The following NWD2 variants were observed in gnomAD, a reference collection of about 807,000 sequenced individuals.
NWD2 encodes the protein NACHT and WD repeat domain containing 2.
Under a neutral mutation model 132.7 loss-of-function variants are expected in NWD2, and 37 were observed. That is an observed-to-expected ratio of 0.28 (90% CI 0.21 to 0.37). The LOEUF (loss-of-function observed/expected upper bound fraction) is 0.37, where lower values mean the gene tolerates loss of function less well. NWD2 is among the 10% of genes least tolerant of loss of function. The pLI is 1.00. For missense variants in NWD2, 1,592 were observed against 2,122.4 expected, an observed-to-expected ratio of 0.75 and a Z score of 4.91; for synonymous variants, 705 against 803.0, an observed-to-expected ratio of 0.88 and a Z score of 2.06.
intron 3 of NWD2, among the ~76,000 whole-genome samples, chr4:37,377,093 AGAT>A (rs1720362522): frequency 6.6e-6 from 1 of 152,176 alleles, no homozygotes; most frequent in African/African-American, 2.4e-5. Context: ...CAGCTTTTAG[AGAT>A]TAAACTGTTT....
chr4:37,295,196 A>C (rs148330461), intron 1 of NWD2, among the ~76,000 whole-genome samples: 26 of 152,060 alleles, frequency 1.7e-4, no homozygotes, highest in Admixed American at 1.4e-3. Context: ...TTTTTTTGTC[A>C]GAGTGTGTTG....
At chr4:37,275,855 T>C (rs1255278799) in intron 1 of NWD2, among the ~76,000 whole-genome samples, 1 of 152,142 alleles carries the variant, frequency 6.6e-6, no homozygotes, top group African/African-American at 2.4e-5. Flanking sequence ...GGGAAAGGAT[T>C]CCCTATTTAA....
intron 2 of NWD2, among the ~76,000 whole-genome samples, chr4:37,329,556 T>C (rs749561191): frequency 1.4e-4 from 22 of 151,830 alleles, no homozygotes; most frequent in Non-Finnish European, 2.5e-4. Flanking sequence ...GTTTAGAATA[T>C]TCTAGGAACA....
intron 3 of NWD2, among the ~76,000 whole-genome samples, chr4:37,427,328 T>C (rs539976677): frequency 6.6e-6 from 1 of 152,286 alleles, no homozygotes; most frequent in African/African-American, 2.4e-5. Context: ...GGCAAGATAA[T>C]GGGATAATCA....
chr4:37,294,258 G>C (rs538515159), intron 1 of NWD2, among the ~76,000 whole-genome samples: 7 of 152,130 alleles, frequency 4.6e-5, no homozygotes, highest in Non-Finnish European at 8.8e-5. Flanking sequence ...GTTACTGTCT[G>C]GACATTTTTA....
intron 3 of NWD2, among the ~76,000 whole-genome samples, chr4:37,403,318 A>G (rs998700305): frequency 6.6e-6 from 1 of 152,222 alleles, no homozygotes; most frequent in Non-Finnish European, 1.5e-5. Context: ...GATATGGATC[A>G]AGGGAACAAT....
intron 1 of NWD2, among the ~76,000 whole-genome samples, chr4:37,249,772 T>G (rs1392575245): frequency 6.6e-6 from 1 of 152,252 alleles, no homozygotes; most frequent in Non-Finnish European, 1.5e-5. Flanking sequence ...TGAACTCTTG[T>G]CCACAGTGTT....
intron 1 of NWD2, among the ~76,000 whole-genome samples, chr4:37,281,331 T>G (rs1718124580): frequency 6.6e-6 from 1 of 151,698 alleles, no homozygotes; most frequent in African/African-American, 2.4e-5. Flanking sequence ...AGTTGGGGAG[T>G]TTAGTAGAAT....
intron 2 of NWD2, among the ~76,000 whole-genome samples, chr4:37,335,853 G>A (rs948836776): frequency 6.8e-5 from 10 of 148,026 alleles, no homozygotes; most frequent in African/African-American, 1.8e-4. Flanking sequence ...GATATAGTAC[G>A]TGGCTCATAC....
At position 37,386,713 on chromosome 4, in the gene NWD2, A is replaced by G. The variant is rs139537870; in HGVS notation, c.357+30231A>G. Among the ~76,000 whole-genome samples, 28 of 152,234 alleles carry G rather than the reference A, an allele frequency of 1.8e-4. No homozygotes were observed. In the East Asian group the frequency reaches 5.4e-3, roughly 29 times the overall value. On this transcript the variant is annotated intron_variant, in intron 3 of 6. Transcript: ENST00000309447. Reference sequence around the variant, plus strand: ...TGCATATTTGTCCCCTCCAAATCTCATGGTGAAATGTGATCACCAATATTG... The same window carrying G: ...TGCATATTTGTCCCCTCCAAATCTCGTGGTGAAATGTGATCACCAATATTG...
intron 1 of NWD2, among the ~76,000 whole-genome samples, chr4:37,324,863 C>T (rs1216123591): frequency 2.6e-5 from 4 of 152,066 alleles, no homozygotes; most frequent in Admixed American, 1.3e-4. Flanking sequence ...TAGGTCAACA[C>T]GGCATATGGT....
chr4:37,244,998 G>C lies in NWD2; in HGVS notation c.-70G>C, dbSNP rs1197429230. The C allele has an allele frequency of 1.6e-5, 24 of 1,530,080 alleles. No individual in the cohort carries two copies. The African/African-American group carries it at 1.9e-4, about 12-fold the overall frequency. The allele number at this position is 1,530,080 out of a possible 1,614,324, so 94.8% of individuals were successfully genotyped here. ...TCGACCGCCTGCTGAGCCGTTCCGT[G>C]GAGCTGCGGGCAGGAACCCGAGGAG... On this transcript the variant is annotated 5_prime_UTR_variant, in exon 1 of 7. Transcript: ENST00000309447. The surrounding 1 kb of genome is among the most constrained non-coding windows in gnomAD (Gnocchi z 5.5).
intron 2 of NWD2, among the ~76,000 whole-genome samples, chr4:37,340,140 A>G (rs1434008796): frequency 2.0e-5 from 3 of 152,116 alleles, no homozygotes; most frequent in Admixed American, 6.6e-5. Context: ...TTTCTTATCT[A>G]TAAGTATTCC....
At chr4:37,375,859 G>A (rs915438421) in intron 3 of NWD2, among the ~76,000 whole-genome samples, 2 of 152,198 alleles carry the variant, frequency 1.3e-5, no homozygotes, top group Admixed American at 6.5e-5. Flanking sequence ...GAGCCACCGC[G>A]CCTGGCCTCT....
intron 1 of NWD2, among the ~76,000 whole-genome samples, chr4:37,287,542 C>G (rs1418215720): frequency 6.6e-6 from 1 of 152,204 alleles, no homozygotes; most frequent in Admixed American, 6.5e-5. Flanking sequence ...CAGAGCACCT[C>G]TTCAGACCTG....
chr4:37,271,107 A>G (rs910889392), intron 1 of NWD2, among the ~76,000 whole-genome samples: 11 of 151,830 alleles, frequency 7.2e-5, no homozygotes, highest in African/African-American at 2.4e-4. Context: ...CAATTGGTCT[A>G]TCCTTACTCC....
chr4:37,284,880 T>C (rs1016960622), intron 1 of NWD2, among the ~76,000 whole-genome samples: 1 of 152,196 alleles, frequency 6.6e-6, no homozygotes, highest in African/African-American at 2.4e-5. Flanking sequence ...AGAAGGCTGA[T>C]GGCAGAAATG....
chr4:37,406,265 C>T (rs931317393), intron 3 of NWD2, among the ~76,000 whole-genome samples: 3 of 152,064 alleles, frequency 2.0e-5, no homozygotes, highest in East Asian at 1.9e-4. Flanking sequence ...TGAAACAGAC[C>T]GACACATCCC....
intron 3 of NWD2, among the ~76,000 whole-genome samples, chr4:37,406,838 G>A (rs1721052595): frequency 1.3e-5 from 2 of 152,200 alleles, no homozygotes; most frequent in African/African-American, 4.8e-5. Context: ...AGGGGTTGCA[G>A]TGAGCCAGGA....
Sources: allele counts gnomAD v4.1 joint callset (sites outside exome capture counted in the v4.1 genomes callset), GRCh38; gene constraint gnomAD v4.1.1; non-coding constraint Gnocchi (gnomAD v3.1); transcripts MANE v1.5; gene names NCBI Gene and HGNC (gene_info 2026-07-23, HGNC 2026-07-21).